The following TMEM132D variants were observed in gnomAD, a reference collection of about 807,000 sequenced individuals.
TMEM132D encodes mature OL transmembrane protein.
TMEM132D carries 21 observed loss-of-function variants against 62.3 expected under a neutral mutation model. That is an observed-to-expected ratio of 0.34 (90% CI 0.24 to 0.49). The LOEUF is 0.49. Ranked by LOEUF, TMEM132D falls within the 20% of genes least tolerant of loss-of-function variation. The pLI, the probability that TMEM132D is intolerant of heterozygous loss-of-function variation, is 0.99. For missense variants in TMEM132D, 1,346 were observed against 1,402.8 expected (o/e 0.96, Z 0.65); for synonymous variants, 621 against 575.6 (o/e 1.08, Z -1.13).
intron 4 of TMEM132D, among the ~76,000 whole-genome samples, chr12:129,214,079 G>A (rs1251195179): frequency 1.3e-5 from 2 of 152,198 alleles, no homozygotes; most frequent in Non-Finnish European, 2.9e-5. Context: ...TGCATGTGCA[G>A]ACAAAACAGA....
intron 1 of TMEM132D, among the ~76,000 whole-genome samples, chr12:129,735,499 C>CA (rs958323832): frequency 2.0e-5 from 3 of 151,852 alleles, no homozygotes; most frequent in Non-Finnish European, 2.9e-5. Context: ...ATTTTAGAAA[C>CA]AAAAATACAG....
chr12:129,357,592 A>C (rs763192466), intron 3 of TMEM132D, among the ~76,000 whole-genome samples: 7 of 151,884 alleles, frequency 4.6e-5, no homozygotes, highest in Non-Finnish European at 7.4e-5. Flanking sequence ...GGAGAAAGAA[A>C]GGAGAGAAAG....
chr12:129,137,112 CCATCATCACCAT>C (rs1454486032), intron 5 of TMEM132D, among the ~76,000 whole-genome samples: 1 of 146,842 alleles, frequency 6.8e-6, no homozygotes, highest in African/African-American at 2.5e-5. Context: ...ATCACCACCA[CCATCATCACCAT>C]CATCATCACC....
intron 4 of TMEM132D, among the ~76,000 whole-genome samples, chr12:129,214,226 C>T (rs183279421): frequency 2.6e-5 from 4 of 152,224 alleles, no homozygotes; most frequent in African/African-American, 9.6e-5. Context: ...AGTAATCTGT[C>T]ATGCAGTGGT....
intron 1 of TMEM132D, among the ~76,000 whole-genome samples, chr12:129,895,224 C>T (rs535749666): frequency 2.0e-4 from 31 of 152,272 alleles, no homozygotes; most frequent in South Asian, 1.2e-3. Context: ...CTGGGGTGAG[C>T]GCTAATCCCA....
chr12:129,759,763 T>C (rs1442392514), intron 1 of TMEM132D, among the ~76,000 whole-genome samples: 1 of 152,190 alleles, frequency 6.6e-6, no homozygotes, highest in Non-Finnish European at 1.5e-5. Flanking sequence ...TTATTAACAA[T>C]AAACACTAGA....
At chr12:129,736,434 T>C (rs1054809606) in intron 1 of TMEM132D, among the ~76,000 whole-genome samples, 4 of 152,154 alleles carry the variant, frequency 2.6e-5, no homozygotes, top group African/African-American at 9.7e-5. Context: ...AAATGTCAAA[T>C]AATTCAGAAA....
intron 1 of TMEM132D, among the ~76,000 whole-genome samples, chr12:129,701,590 C>CGTAT (rs1162021865): frequency 6.6e-6 from 1 of 152,218 alleles, no homozygotes; most frequent in Non-Finnish European, 1.5e-5. Flanking sequence ...CCGCACTGAA[C>CGTAT]GTATCTCTCC....
chr12:129,337,441 G>GCACACACACACACACA lies in TMEM132D; in HGVS notation c.1299+177_1299+192dup, dbSNP rs34583805. 8.9e-3 allele frequency among the ~76,000 whole-genome samples: 1,315 copies of GCACACACACACACACA among 148,192 alleles called. 34 individuals are homozygous for GCACACACACACACACA. The highest frequency in any genetic ancestry group is 0.046 in the Admixed American group (685 of 14,904). The stretch of plus-strand genomic sequence containing the variant: ...TAGATATAGATATAGATACACACAC[G>GCACACACACACACACA]CACACACACACACACACACACACAC... On this transcript the variant is annotated intron_variant, in intron 4 of 8. Transcript: ENST00000422113.
chr12:129,753,723 T>G (rs1174065532), intron 1 of TMEM132D, among the ~76,000 whole-genome samples: 1 of 152,220 alleles, frequency 6.6e-6, no homozygotes, highest in Non-Finnish European at 1.5e-5. Flanking sequence ...GTACATTTTT[T>G]GCGTGTTTCC....
intron 5 of TMEM132D, among the ~76,000 whole-genome samples, chr12:129,165,919 C>G (rs936653802): frequency 6.6e-6 from 1 of 152,188 alleles, no homozygotes; most frequent in East Asian, 1.9e-4. Context: ...TGGCTATTCA[C>G]GTGACGCTGA....
chr12:129,455,870 T>C (rs1320355698), intron 3 of TMEM132D, among the ~76,000 whole-genome samples: 4 of 152,220 alleles, frequency 2.6e-5, no homozygotes, highest in Non-Finnish European at 1.5e-5. Context: ...AGAGTTTTAA[T>C]ACAGGGTTAT....
intron 5 of TMEM132D, among the ~76,000 whole-genome samples, chr12:129,104,469 G>A (rs1875420492): frequency 1.3e-5 from 2 of 152,186 alleles, no homozygotes; most frequent in Non-Finnish European, 1.5e-5. Flanking sequence ...TACCATTCAG[G>A]ACATAGGCAT....
chr12:129,463,228 A>G (rs756474371), intron 3 of TMEM132D, among the ~76,000 whole-genome samples: 5 of 152,156 alleles, frequency 3.3e-5, no homozygotes, highest in Admixed American at 6.5e-5. Flanking sequence ...AAGTTGCACA[A>G]CATCTTGGAG....
intron 1 of TMEM132D, among the ~76,000 whole-genome samples, chr12:129,831,433 G>A (rs1872828118): frequency 6.6e-6 from 1 of 152,242 alleles, no homozygotes; most frequent in African/African-American, 2.4e-5. Flanking sequence ...GGTCTTTGAT[G>A]CCAAGTGAGT....
chr12:129,501,500 T>A (rs1005075642), intron 3 of TMEM132D, among the ~76,000 whole-genome samples: 2 of 152,182 alleles, frequency 1.3e-5, no homozygotes, highest in Non-Finnish European at 2.9e-5. Flanking sequence ...ACAGCAGATT[T>A]TTTTAATTTT....
chr12:129,587,759 C>T lies in TMEM132D; in HGVS notation c.969-56554G>A, dbSNP rs557733340. On this transcript the variant is annotated intron_variant, in intron 2 of 8. Coordinates refer to ENST00000422113, the MANE Select transcript of TMEM132D (RefSeq NM_133448.3). Reference sequence around the variant, plus strand: ...CAAAGGAGCCGTATTTGTGTCACCACAAAGTATGACAACAAAACAAACAAC... The same window carrying T: ...CAAAGGAGCCGTATTTGTGTCACCATAAAGTATGACAACAAAACAAACAAC... Among the ~76,000 whole-genome samples the T allele has an allele frequency of 3.3e-5, 5 of 152,160 alleles. No individual in the cohort carries two copies. In the South Asian group the frequency reaches 1.0e-3, roughly 32 times the overall value.
rs181551231 is a variant in TMEM132D, at chr12:129,271,572, C to G, written c.1300-61909G>C. ...CTCTCCCTCCCCTTGCCCCCCACCC[C>G]CTAACAGGGCCCGGTGTATGATGTT... On this transcript the variant is annotated intron_variant, in intron 4 of 8. Transcript: ENST00000422113. 1.6e-3 allele frequency among the ~76,000 whole-genome samples: 248 copies of G among 151,586 alleles called. 5 individuals are homozygous for G. The highest frequency in any genetic ancestry group is 5.8e-3 in the African/African-American group (238 of 41,006).
Position 129,896,155 on chromosome 12 carries a change from GTT to G in TMEM132D, c.79+7104_79+7105del, listed in dbSNP as rs916028466. 1.2e-4 allele frequency among the ~76,000 whole-genome samples: 18 copies of G among 151,280 alleles called. No individual in the cohort carries two copies. In the East Asian group the frequency reaches 1.5e-3, roughly 13 times the overall value. On this transcript the variant is annotated intron_variant, in intron 1 of 8. Transcript: ENST00000422113. The stretch of plus-strand genomic sequence containing the variant: ...TGGCTCATTTTTTTTGTTTTGTTTT[GTT>G]TTGTTTTTGTAGAGATGGAGTCTTG...
Sources: allele counts gnomAD v4.1 joint callset (sites outside exome capture counted in the v4.1 genomes callset), GRCh38; gene constraint gnomAD v4.1.1; transcripts MANE v1.5; gene names NCBI Gene and HGNC (gene_info 2026-07-23, HGNC 2026-07-21).